WWOX: variants seen among roughly 807,000 people sequenced by gnomAD.
WWOX encodes the protein WW domain containing oxidoreductase, also known as WW domain-containing oxidoreductase.
A neutral mutation model predicts 46.2 loss-of-function variants in WWOX; 69 were observed. The ratio of observed to expected loss-of-function variants is 1.49; its 90% CI spans 1.23 to 1.82. The LOEUF is 1.82. Ranked by LOEUF, WWOX falls within the 40% of genes most tolerant of loss-of-function variation. The pLI is 0.00. For synonymous variants in WWOX, 359 were observed against 202.6 expected, an observed-to-expected ratio of 1.77 and a Z score of -6.56; for missense variants, 919 against 542.6, an observed-to-expected ratio of 1.69 and a Z score of -6.89.
intron 8 of WWOX, among the ~76,000 whole-genome samples, chr16:79,020,925 C>A (rs1319804168): frequency 1.3e-5 from 2 of 152,012 alleles, no homozygotes; most frequent in African/African-American, 4.8e-5. Context: ...TGTTAATGAG[C>A]TTAGATTGTC....
At chr16:78,856,226 G>A (rs1379396919) in intron 8 of WWOX, among the ~76,000 whole-genome samples, 1 of 152,150 alleles carries the variant, frequency 6.6e-6, no homozygotes, top group Admixed American at 6.5e-5. Context: ...TAAGGATTTA[G>A]GCAGGGACTG....
At chr16:78,453,272 A>T (rs933804227) in intron 8 of WWOX, among the ~76,000 whole-genome samples, 7 of 151,962 alleles carry the variant, frequency 4.6e-5, no homozygotes, top group Non-Finnish European at 8.8e-5. Context: ...AAAAGTACAG[A>T]AATTAGTTGG....
chr16:78,807,200 C>G lies in WWOX; in HGVS notation c.1056+374448C>G, dbSNP rs182565613. ...TCCTAATCTATGTCACTGAGTACAT[C>G]CTTGCTGTTTTTCATGAATTTTCCA... On this transcript the variant is annotated intron_variant, in intron 8 of 8. Transcript: ENST00000566780. Among the ~76,000 whole-genome samples, 274 of 152,278 alleles carry G rather than the reference C, an allele frequency of 1.8e-3. 1 individual carries two copies. The highest frequency in any genetic ancestry group is 6.4e-3 in the African/African-American group (266 of 41,548).
At chr16:78,942,809 C>G (rs1350898499) in intron 8 of WWOX, among the ~76,000 whole-genome samples, 2 of 152,194 alleles carry the variant, frequency 1.3e-5, no homozygotes, top group African/African-American at 2.4e-5. Context: ...GCACTTCTCT[C>G]TGGTTTCCCG....
intron 8 of WWOX, among the ~76,000 whole-genome samples, chr16:79,116,453 CGTT>C (rs1007322777): frequency 1.8e-4 from 27 of 152,164 alleles, no homozygotes; most frequent in African/African-American, 6.3e-4. Flanking sequence ...ACATTCATGA[CGTT>C]GTTCATGACA....
At chr16:78,647,193 A>G (rs938144586) in intron 8 of WWOX, among the ~76,000 whole-genome samples, 1 of 152,138 alleles carries the variant, frequency 6.6e-6, no homozygotes, top group African/African-American at 2.4e-5. Flanking sequence ...CTGAACCAAC[A>G]TGAGTCACTT....
rs114968029 is a variant in WWOX, at chr16:79,138,947, C to A, written c.1057-72661C>A. Among the ~76,000 whole-genome samples, 481 of 152,206 alleles carry A rather than the reference C, an allele frequency of 3.2e-3. 1 individual carries two copies. Among genetic ancestry groups the A allele is most frequent in the African/African-American group, 0.011 (449 of 41,522 alleles). Reference sequence around the variant, plus strand: ...ACCAGGGTAAGGCTTACAGGCAATCCATTCACTGCAGAGTCTTCCCCCATC... The same window carrying A: ...ACCAGGGTAAGGCTTACAGGCAATCAATTCACTGCAGAGTCTTCCCCCATC... On this transcript the variant is annotated intron_variant, in intron 8 of 8. Coordinates refer to ENST00000566780, the MANE Select transcript of WWOX (RefSeq NM_016373.4).
At chr16:78,119,174 G>A (rs67486703) in intron 4 of WWOX, 22,171 of 152,246 alleles carry the variant, frequency 0.15, 1,821 homozygotes, top group East Asian at 0.26. Flanking sequence ...AGCAGGAAGG[G>A]CCAGGTGTTT....
chr16:78,214,364 T>C (rs11864412), intron 5 of WWOX, among the ~76,000 whole-genome samples: 4,010 of 152,240 alleles, frequency 0.026, 182 homozygotes, highest in African/African-American at 0.091. Flanking sequence ...TGTTCCTACC[T>C]CTTAGGGCTT....
chr16:78,198,675 G>A (rs1382849359), intron 5 of WWOX, among the ~76,000 whole-genome samples: 1 of 152,056 alleles, frequency 6.6e-6, no homozygotes, highest in East Asian at 1.9e-4. Flanking sequence ...TTGCTGTTAC[G>A]AGCATGGATT....
chr16:78,311,771 T>G (rs931834827), intron 5 of WWOX, among the ~76,000 whole-genome samples: 3 of 123,090 alleles, frequency 2.4e-5, no homozygotes, highest in African/African-American at 1.0e-4. Flanking sequence ...GTAATAATTA[T>G]TTTTAAAAAG....
Position 78,777,916 on chromosome 16 carries a change from A to G in WWOX, c.1056+345164A>G, listed in dbSNP as rs923476302. 6.6e-5 allele frequency among the ~76,000 whole-genome samples: 10 copies of G among 152,144 alleles called. 1 individual carries two copies. Among genetic ancestry groups the G allele is most frequent in the African/African-American group, 1.4e-4 (6 of 41,520 alleles). ...AAAAATGAGCTGGGTGTGGTGGCAC[A>G]TACCTGTAGTTCCAACTGCTCAGAA... On this transcript the variant is annotated intron_variant, in intron 8 of 8. Coordinates refer to ENST00000566780, the MANE Select transcript of WWOX (RefSeq NM_016373.4).
At chr16:78,977,757 C>A (rs910211246) in intron 8 of WWOX, among the ~76,000 whole-genome samples, 2 of 152,126 alleles carry the variant, frequency 1.3e-5, no homozygotes, top group South Asian at 4.1e-4. Flanking sequence ...TCCTGAAGGA[C>A]CCCCTTCCTA....
intron 8 of WWOX, among the ~76,000 whole-genome samples, chr16:78,967,480 T>TTG (rs2046385023): frequency 1.6e-5 from 2 of 123,414 alleles, no homozygotes; most frequent in Non-Finnish European, 3.5e-5. Flanking sequence ...TTTTTTTTTT[T>TTG]TCCTGCTGAG....
Position 79,211,931 on chromosome 16 carries a change from A to AGAGT in WWOX, c.*138_*141dup. 1 of 1,538,698 alleles carries AGAGT rather than the reference A, an allele frequency of 6.5e-7. No homozygotes were observed. Among genetic ancestry groups the AGAGT allele is most frequent in the Non-Finnish European group, 8.7e-7 (1 of 1,147,466 alleles). ...TAAAGGAAATAAGAGCAGTCACAAC[A>AGAGT]GAGTGAAAAATCTTAAGTACCAATG... On this transcript the variant is annotated 3_prime_UTR_variant, in exon 9 of 9. Coordinates refer to ENST00000566780, the MANE Select transcript of WWOX (RefSeq NM_016373.4).
At chr16:78,293,050 C>G (rs1352914851) in intron 5 of WWOX, among the ~76,000 whole-genome samples, 1 of 152,186 alleles carries the variant, frequency 6.6e-6, no homozygotes, top group South Asian at 2.1e-4. Flanking sequence ...CTGTCAACCA[C>G]TTTAGCCTCC....
intron 5 of WWOX, among the ~76,000 whole-genome samples, chr16:78,376,332 C>CA: frequency 6.6e-6 from 1 of 152,240 alleles, no homozygotes; most frequent in East Asian, 1.9e-4. Flanking sequence ...AGTGGAACTA[C>CA]AATACTATGT....
intron 8 of WWOX, among the ~76,000 whole-genome samples, chr16:78,793,340 C>T (rs746314930): frequency 1.3e-5 from 2 of 152,130 alleles, no homozygotes; most frequent in Non-Finnish European, 2.9e-5. Flanking sequence ...GGATTCCAGG[C>T]GTGAGTCACC....
At chr16:79,157,060 G>C (rs925023642) in intron 8 of WWOX, among the ~76,000 whole-genome samples, 2 of 152,194 alleles carry the variant, frequency 1.3e-5, no homozygotes, top group Non-Finnish European at 2.9e-5. Flanking sequence ...TAGACATTTT[G>C]TTTGTACTTA....
Sources: allele counts gnomAD v4.1 joint callset (sites outside exome capture counted in the v4.1 genomes callset), GRCh38; gene constraint gnomAD v4.1.1; transcripts MANE v1.5; gene names NCBI Gene and HGNC (gene_info 2026-07-23, HGNC 2026-07-21).